The following CACNA1C variants were observed in gnomAD, a reference collection of about 807,000 sequenced individuals.
The protein encoded by CACNA1C is voltage-dependent L-type calcium channel subunit alpha-1C.
CACNA1C carries 30 observed loss-of-function variants against 229.0 expected under a neutral mutation model. That is an observed-to-expected ratio of 0.13 (90% CI 0.10 to 0.18). The LOEUF is 0.18. CACNA1C is among the 10% of genes least tolerant of loss of function. The pLI is 1.00. For synonymous variants in CACNA1C, 1,114 were observed against 1,132.5 expected, an observed-to-expected ratio of 0.98 and a Z score of 0.33; for missense variants, 1,658 against 2,845.0, an observed-to-expected ratio of 0.58 and a Z score of 9.49.
At chr12:2,255,463 A>G (rs1212747902) in intron 3 of CACNA1C, among the ~76,000 whole-genome samples, 2 of 152,118 alleles carry the variant, frequency 1.3e-5, no homozygotes, top group African/African-American at 2.4e-5. Context: ...AGATGTCTGA[A>G]CTGCCAGGAG....
intron 3 of CACNA1C, among the ~76,000 whole-genome samples, chr12:2,422,341 A>G (rs545533485): frequency 1.3e-5 from 2 of 152,200 alleles, no homozygotes; most frequent in Admixed American, 6.5e-5. Context: ...GGAGGGCAGA[A>G]TCATTTCTGC....
intron 3 of CACNA1C, among the ~76,000 whole-genome samples, chr12:2,267,499 G>A (rs915438965): frequency 2.6e-5 from 4 of 152,146 alleles, no homozygotes; most frequent in African/African-American, 9.7e-5. Context: ...GCACCTGCCG[G>A]ATTCACCATC....
At chr12:2,641,440 G>C (rs1243845021) in intron 30 of CACNA1C, 7 of 472,524 alleles carry the variant, frequency 1.5e-5, no homozygotes, top group Non-Finnish European at 2.3e-5. Context: ...AGGACACATA[G>C]ATTAAATCAA....
At chr12:2,644,285 AC>A (rs2094098284) in intron 30 of CACNA1C, among the ~76,000 whole-genome samples, 1 of 152,088 alleles carries the variant, frequency 6.6e-6, no homozygotes, top group African/African-American at 2.4e-5. Context: ...GGTAATCTGC[AC>A]CTTTCAAAAT....
intron 3 of CACNA1C, among the ~76,000 whole-genome samples, chr12:2,194,250 GCCTCCTCCT>G (rs56198094): frequency 0.35 from 46,125 of 133,290 alleles, 7,950 homozygotes; most frequent in South Asian, 0.39. Context: ...CTCCTCCACT[GCCTCCTCCT>G]CCTCCTCCTC....
At chr12:2,204,318 ATTTG>A (rs2097687702) in intron 3 of CACNA1C, among the ~76,000 whole-genome samples, 1 of 151,886 alleles carries the variant, frequency 6.6e-6, no homozygotes, top group Non-Finnish European at 1.5e-5. Flanking sequence ...TTTCTTGTAA[ATTTG>A]TTTGAGTTCA....
chr12:2,281,983 T>C (rs2091423399), intron 3 of CACNA1C, among the ~76,000 whole-genome samples: 1 of 152,194 alleles, frequency 6.6e-6, no homozygotes, highest in South Asian at 2.1e-4. Flanking sequence ...TTTTTCTATG[T>C]CCTTCATTTT....
chr12:2,023,005 C>T (rs2046728710), intron 1 of CACNA1C, among the ~76,000 whole-genome samples: 1 of 152,082 alleles, frequency 6.6e-6, no homozygotes, highest in East Asian at 1.9e-4. Flanking sequence ...GGGCTCTGAG[C>T]CTGGTTTTAT....
At chr12:2,366,858 A>G (rs887102631) in intron 3 of CACNA1C, among the ~76,000 whole-genome samples, 1 of 152,196 alleles carries the variant, frequency 6.6e-6, no homozygotes, top group African/African-American at 2.4e-5. Context: ...GGAAGCAGGC[A>G]TGTTTTATCA....
intron 3 of CACNA1C, among the ~76,000 whole-genome samples, chr12:2,241,067 G>A (rs1313974400): frequency 6.6e-6 from 1 of 152,122 alleles, no homozygotes; most frequent in Admixed American, 6.5e-5. Context: ...TACATAACCA[G>A]TACGAGGTGA....
At chr12:2,441,481 G>A (rs2099225659) in intron 3 of CACNA1C, among the ~76,000 whole-genome samples, 2 of 152,128 alleles carry the variant, frequency 1.3e-5, no homozygotes, top group South Asian at 2.1e-4. Flanking sequence ...TGTATTCATG[G>A]TGATCCTCAG....
chr12:2,057,202 A>G (rs2055360216), intron 1 of CACNA1C, among the ~76,000 whole-genome samples: 1 of 152,220 alleles, frequency 6.6e-6, no homozygotes. Context: ...AAGACCTATC[A>G]AAGGGATCCA....
Position 2,298,054 on chromosome 12 carries a change from G to T in CACNA1C, c.478-150922G>T, listed in dbSNP as rs2094221589. Among the ~76,000 whole-genome samples the T allele has an allele frequency of 2.0e-5, 3 of 152,314 alleles. No individual in the cohort carries two copies. In the South Asian group the frequency reaches 6.2e-4, roughly 32 times the overall value. On this transcript the variant is annotated intron_variant, in intron 3 of 46. Transcript: ENST00000399655. ...AGGAGACGACATCACAGAGGGTCCA[G>T]GCAAGGGCTGTGGAGTCCGACAGTG... is the stretch of plus-strand genomic sequence containing the variant.
chr12:2,599,421 G>A (rs2070687638), intron 21 of CACNA1C, among the ~76,000 whole-genome samples: 2 of 152,198 alleles, frequency 1.3e-5, no homozygotes, highest in Admixed American at 1.3e-4. Context: ...GGAAAGGCTT[G>A]TAGGCTCACA....
At chr12:2,530,667 G>A (rs574724368) in intron 9 of CACNA1C, among the ~76,000 whole-genome samples, 1 of 152,298 alleles carries the variant, frequency 6.6e-6, no homozygotes, top group South Asian at 2.1e-4. Flanking sequence ...GGGCACAAAA[G>A]GGAGTTGAAT....
intron 3 of CACNA1C, among the ~76,000 whole-genome samples, chr12:2,320,725 C>A (rs1303341663): frequency 6.6e-6 from 1 of 152,218 alleles, no homozygotes; most frequent in Admixed American, 6.5e-5. Context: ...GTGACCCATC[C>A]CAAAACACGG....
At chr12:2,470,052 A>G (rs1350291456) in intron 5 of CACNA1C, among the ~76,000 whole-genome samples, 1 of 152,202 alleles carries the variant, frequency 6.6e-6, no homozygotes, top group Non-Finnish European at 1.5e-5. Flanking sequence ...TTTCTTTTTT[A>G]ACCACTAATT....
chr12:2,388,387 C>T (rs2098430627), intron 3 of CACNA1C, among the ~76,000 whole-genome samples: 1 of 152,228 alleles, frequency 6.6e-6, no homozygotes, highest in Admixed American at 6.5e-5. Context: ...GTAAGCACTT[C>T]ATAGTGTATA....
At chr12:1,992,832 G>T (rs1408913557) in intron 1 of CACNA1C, 10 of 351,160 alleles carry the variant, frequency 2.8e-5, no homozygotes, top group Non-Finnish European at 3.6e-5. Flanking sequence ...TACAATACAG[G>T]CCCTCAAACA....
Sources: allele counts gnomAD v4.1 joint callset (sites outside exome capture counted in the v4.1 genomes callset), GRCh38; gene constraint gnomAD v4.1.1; transcripts MANE v1.5; gene names NCBI Gene and HGNC (gene_info 2026-07-23, HGNC 2026-07-21).